WNT3A: variants seen among roughly 807,000 people sequenced by gnomAD.
WNT3A encodes the protein protein Wnt-3a.
WNT3A carries 17 observed loss-of-function variants against 37.0 expected under a neutral mutation model. That is an observed-to-expected ratio of 0.46 (90% CI 0.31 to 0.69). The LOEUF (loss-of-function observed/expected upper bound fraction) is 0.69. Ranked by LOEUF, WNT3A falls within the 30% of genes least tolerant of loss-of-function variation. WNT3A has a pLI of 0.05. For synonymous variants in WNT3A, 187 were observed against 211.0 expected, an observed-to-expected ratio of 0.89 and a Z score of 0.99; for missense variants, 411 against 510.2, an observed-to-expected ratio of 0.81 and a Z score of 1.87.
Position 228,037,367 on chromosome 1 carries a change from C to T in WNT3A, c.314-13289C>T, listed in dbSNP as rs535012658. 1.9e-3 allele frequency among the ~76,000 whole-genome samples: 293 copies of T among 152,288 alleles called. 2 individuals are homozygous for T. The highest frequency in any genetic ancestry group is 2.7e-3 in the Non-Finnish European group (185 of 68,012). On this transcript the variant is annotated intron_variant, in intron 2 of 3. Coordinates refer to ENST00000284523, the MANE Select transcript of WNT3A (RefSeq NM_033131.4). The surrounding 1 kb of genome is among the most constrained non-coding windows in gnomAD (Gnocchi z 4.1). ...TGGGGAGAGTAATGAAAGGGTCCTGCGCACCACATGTCAGTAAGCCTTGTT... is the reference window on the plus strand; with the variant it reads ...TGGGGAGAGTAATGAAAGGGTCCTGTGCACCACATGTCAGTAAGCCTTGTT...
At chr1:228,012,183 C>T (rs2030391959) in intron 1 of WNT3A, among the ~76,000 whole-genome samples, 1 of 152,198 alleles carries the variant, frequency 6.6e-6, no homozygotes, top group African/African-American at 2.4e-5. Context: ...GTCCCTTGTG[C>T]ACATCACCGT....
intron 3 of WNT3A, among the ~76,000 whole-genome samples, chr1:228,054,315 A>G (rs1477308903): frequency 1.3e-5 from 2 of 152,216 alleles, no homozygotes; most frequent in Non-Finnish European, 2.9e-5. Context: ...AAATGTTTCT[A>G]TAATAATTTT....
At position 228,007,332 on chromosome 1, in the gene WNT3A, G is replaced by T. The variant is rs1231297110; in HGVS notation, c.71+133G>T. 1.3e-5 allele frequency: 12 copies of T among 890,846 alleles called. No individual in the cohort carries two copies. Among genetic ancestry groups the T allele is most frequent in the Non-Finnish European group, 7.9e-6 (5 of 631,470 alleles). The allele number at this position is 890,846 out of a possible 1,614,324, so 55.2% of individuals were successfully genotyped here. ...CCAGCCCCGCGTGCGGGCCGCGGGC[G>T]GTTGGTTTTCCTTGACGGCCACTTT... On this transcript the variant is annotated intron_variant, in intron 1 of 3. Transcript: ENST00000284523. The surrounding 1 kb of genome is among the most constrained non-coding windows in gnomAD (Gnocchi z 6.0).
rs761771501 is a variant in WNT3A, at chr1:228,050,856, G to T, written c.514G>T (p.Ala172Ser). The change falls in exon 3 of 4, where the codon GCC (alanine) becomes TCC (serine). Residue 172 changes from alanine to serine, a missense_variant. Coordinates refer to ENST00000284523, the MANE Select transcript of WNT3A (RefSeq NM_033131.4). The surrounding 1 kb of genome is among the most constrained non-coding windows in gnomAD (Gnocchi z 5.0). ...GGMVSREFAD[A>S]RENRPDARSA... ...GATGGTGTCTCGGGAGTTCGCCGACGCCCGGGAGAACCGGCCAGATGCCCG... is the reference window on the plus strand; with the variant it reads ...GATGGTGTCTCGGGAGTTCGCCGACTCCCGGGAGAACCGGCCAGATGCCCG... 4 of 1,594,878 alleles carry T rather than the reference G, an allele frequency of 2.5e-6. No homozygotes were observed. Among genetic ancestry groups the T allele is most frequent in the Non-Finnish European group, 3.4e-6 (4 of 1,168,514 alleles).
Position 228,039,541 on chromosome 1 carries a change from T to G in WNT3A, c.314-11115T>G, listed in dbSNP as rs893578652. ...GTCCCATAGAGCCCTTACAAAGTCA[T>G]GGCCAAGCTGTCCATAGCCTTCTTT... is the stretch of plus-strand genomic sequence containing the variant. On this transcript the variant is annotated intron_variant, in intron 2 of 3. Transcript: ENST00000284523. The surrounding 1 kb of genome is among the most constrained non-coding windows in gnomAD (Gnocchi z 4.1). Among the ~76,000 whole-genome samples the G allele has an allele frequency of 6.6e-6, 1 of 152,202 alleles. No individual in the cohort carries two copies. Among genetic ancestry groups the G allele is most frequent in the African/African-American group, 2.4e-5 (1 of 41,444 alleles).
chr1:228,060,149 G>A lies in WNT3A; in HGVS notation c.*684G>A. 1 of 1,347,630 alleles carries A rather than the reference G, an allele frequency of 7.4e-7. No individual in the cohort carries two copies. The highest frequency in any genetic ancestry group is 9.8e-7 in the Non-Finnish European group (1 of 1,018,954). The allele number at this position is 1,347,630 out of a possible 1,614,324, so 83.5% of individuals were successfully genotyped here. On this transcript the variant is annotated 3_prime_UTR_variant, in exon 4 of 4. Transcript: ENST00000284523. ...CAATGGGGCGGGGCTTCTCTCCGCG[G>A]GTGGGACTCTTCCCTGGGAACCGCC...
Position 228,008,284 on chromosome 1 carries a change from T to A in WNT3A, c.71+1085T>A, listed in dbSNP as rs2030264643. ...CCACAAGCATGCACACTCCCCCCCA[T>A]CCTTCTCCGACGGCAGCCTGGAATT... On this transcript the variant is annotated intron_variant, in intron 1 of 3. Coordinates refer to ENST00000284523, the MANE Select transcript of WNT3A (RefSeq NM_033131.4). The surrounding 1 kb of genome is among the most constrained non-coding windows in gnomAD (Gnocchi z 4.9). 6.6e-6 allele frequency among the ~76,000 whole-genome samples: 1 copy of A among 152,052 alleles called. No homozygotes were observed. Among genetic ancestry groups the A allele is most frequent in the African/African-American group, 2.4e-5 (1 of 41,416 alleles).
intron 2 of WNT3A, among the ~76,000 whole-genome samples, chr1:228,036,812 G>C (rs1558290207): frequency 6.6e-6 from 1 of 152,226 alleles, no homozygotes; most frequent in African/African-American, 2.4e-5. Context: ...AGGGACGGCT[G>C]CAGTGGATGC....
Position 228,037,578 on chromosome 1 carries a change from C to G in WNT3A, c.314-13078C>G, listed in dbSNP as rs150584955. On this transcript the variant is annotated intron_variant, in intron 2 of 3. Coordinates refer to ENST00000284523, the MANE Select transcript of WNT3A (RefSeq NM_033131.4). The surrounding 1 kb of genome is among the most constrained non-coding windows in gnomAD (Gnocchi z 4.1). Reference sequence around the variant, plus strand: ...CTGCCTGCTAGGACATGGGGACACACAGGGCAGCTCTTTAGGGAACCAGCG... The same window carrying G: ...CTGCCTGCTAGGACATGGGGACACAGAGGGCAGCTCTTTAGGGAACCAGCG... 8.4e-3 allele frequency among the ~76,000 whole-genome samples: 1,279 copies of G among 152,306 alleles called. 18 individuals are homozygous for G. The highest frequency in any genetic ancestry group is 0.029 in the African/African-American group (1,199 of 41,568).
chr1:228,007,281 G>A lies in WNT3A; in HGVS notation c.71+82G>A. The A allele has an allele frequency of 7.0e-7, 1 of 1,431,088 alleles. No individual in the cohort carries two copies. Among genetic ancestry groups the A allele is most frequent in the Non-Finnish European group, 9.5e-7 (1 of 1,051,846 alleles). 88.6% of individuals were successfully genotyped at this position (1,431,088 alleles called of 1,614,324 possible). A position where few individuals can be genotyped will look rare whatever the true frequency, so the allele number is the denominator to read the frequency against. On this transcript the variant is annotated intron_variant, in intron 1 of 3. Transcript: ENST00000284523. The surrounding 1 kb of genome is among the most constrained non-coding windows in gnomAD (Gnocchi z 6.0). ...GGTCCCCTCGGGCAGGGACCCCGCG[G>A]TGGCCCGAGCCCGCGCCCTTCTGCT...
At position 228,045,447 on chromosome 1, in the gene WNT3A, A is replaced by G. The variant is rs116658796; in HGVS notation, c.314-5209A>G. On this transcript the variant is annotated intron_variant, in intron 2 of 3. Coordinates refer to ENST00000284523, the MANE Select transcript of WNT3A (RefSeq NM_033131.4). ...AGCACCCAGGACACTCCTCAACTCT[A>G]CCTCTCAAGCTGCCCTAGAAGGGAA... Among the ~76,000 whole-genome samples, 1,245 of 152,146 alleles carry G rather than the reference A, an allele frequency of 8.2e-3. 19 individuals carry two copies. The highest frequency in any genetic ancestry group is 0.028 in the African/African-American group (1,167 of 41,510).
At chr1:228,023,038 C>T (rs1020689202) in intron 2 of WNT3A, 130 bp downstream of exon 2, 48 of 1,400,910 alleles carry the variant, frequency 3.4e-5, no homozygotes, top group African/African-American at 1.3e-4. Flanking sequence ...GGGTCCTTCC[C>T]GCTTACCTCC....
intron 2 of WNT3A, among the ~76,000 whole-genome samples, chr1:228,035,518 C>T (rs919069365): frequency 3.3e-5 from 5 of 152,280 alleles, no homozygotes; most frequent in Non-Finnish European, 5.9e-5. Context: ...AGGTGCAGCC[C>T]GGGAGGAAGC....
At position 228,042,640 on chromosome 1, in the gene WNT3A, A is replaced by G. The variant is rs538850648; in HGVS notation, c.314-8016A>G. Among the ~76,000 whole-genome samples the G allele has an allele frequency of 2.6e-5, 4 of 151,788 alleles. No individual in the cohort carries two copies. The East Asian group carries it at 7.8e-4, about 29-fold the overall frequency. ...TGGATAATGGGTGAATGGATGGATG[A>G]GTGGTGGTAGATGGTGGATGATGGG... On this transcript the variant is annotated intron_variant, in intron 2 of 3. Coordinates refer to ENST00000284523, the MANE Select transcript of WNT3A (RefSeq NM_033131.4). The surrounding 1 kb of genome is among the most constrained non-coding windows in gnomAD (Gnocchi z 5.2).
At chr1:228,046,934 T>C (rs889418207) in intron 2 of WNT3A, among the ~76,000 whole-genome samples, 1 of 152,130 alleles carries the variant, frequency 6.6e-6, no homozygotes, top group Non-Finnish European at 1.5e-5. Flanking sequence ...TGTGCATGCA[T>C]GTGGTGGAAG....
At position 228,039,445 on chromosome 1, in the gene WNT3A, C is replaced by T; in HGVS notation, c.314-11211C>T. 6.6e-6 allele frequency among the ~76,000 whole-genome samples: 1 copy of T among 152,148 alleles called. No individual in the cohort carries two copies. The highest frequency in any genetic ancestry group is 2.4e-5 in the African/African-American group (1 of 41,430). On this transcript the variant is annotated intron_variant, in intron 2 of 3. Coordinates refer to ENST00000284523, the MANE Select transcript of WNT3A (RefSeq NM_033131.4). The surrounding 1 kb of genome is among the most constrained non-coding windows in gnomAD (Gnocchi z 4.1). ...CCACTGTCTACTCATGGGGGGATGG[C>T]CATCAGCATATCAGAGACACCCTCC...
At chr1:228,025,110 T>TG (rs979690671) in intron 2 of WNT3A, among the ~76,000 whole-genome samples, 4 of 152,174 alleles carry the variant, frequency 2.6e-5, no homozygotes, top group South Asian at 2.1e-4. Flanking sequence ...CCAGATTGTT[T>TG]GGGGGGGACA....
At chr1:228,009,073 C>A (rs1271806962) in intron 1 of WNT3A, among the ~76,000 whole-genome samples, 1 of 152,150 alleles carries the variant, frequency 6.6e-6, no homozygotes, top group African/African-American at 2.4e-5. Flanking sequence ...AGAACCCCAC[C>A]TGACACTGAC....
intron 2 of WNT3A, among the ~76,000 whole-genome samples, chr1:228,027,506 T>G (rs2030880758): frequency 6.6e-6 from 1 of 152,222 alleles, no homozygotes; most frequent in Non-Finnish European, 1.5e-5. Flanking sequence ...TGGTTTTAAT[T>G]TGTGTTTCCC....
Sources: allele counts gnomAD v4.1 joint callset (sites outside exome capture counted in the v4.1 genomes callset), GRCh38; gene constraint gnomAD v4.1.1; non-coding constraint Gnocchi (gnomAD v3.1); transcripts MANE v1.5; gene names NCBI Gene and HGNC (gene_info 2026-07-23, HGNC 2026-07-21).